SUPT3H: variants seen among roughly 807,000 people sequenced by gnomAD.
SUPT3H encodes transcription initiation protein SPT3 homolog.
In SUPT3H, 44 loss-of-function variants were observed where a neutral mutation model predicts 44.3. The observed-to-expected ratio is 0.99, with a 90% confidence interval of 0.78 to 1.28. The LOEUF is 1.28. Among genes scored for constraint, SUPT3H ranks in the 50% most tolerant of loss-of-function variants. The pLI is 0.00. For missense variants in SUPT3H, 380 were observed against 387.1 expected (o/e 0.98, Z 0.15); for synonymous variants, 124 against 125.6 (o/e 0.99, Z 0.09).
chr6:45,113,827 C>CAAAAAAAAAAAAAAAAAAAAAA (rs374606230), intron 2 of SUPT3H, among the ~76,000 whole-genome samples: 1 of 112,752 alleles, frequency 8.9e-6, no homozygotes, highest in African/African-American at 3.4e-5. Flanking sequence ...AAGACTCCAT[C>CAAAAAAAAAAAAAAAAAAAAAA]AAAAAAAAAA....
intron 2 of SUPT3H, among the ~76,000 whole-genome samples, chr6:45,189,032 G>A (rs1001248507): frequency 2.0e-5 from 3 of 151,982 alleles, no homozygotes; most frequent in Non-Finnish European, 4.4e-5. Context: ...GAACTCACGG[G>A]CTCAAGTGAA....
chr6:45,088,817 A>C (rs1440970091), intron 3 of SUPT3H, among the ~76,000 whole-genome samples: 3 of 152,006 alleles, frequency 2.0e-5, no homozygotes, highest in Non-Finnish European at 4.4e-5. Context: ...GTCATGGTAG[A>C]TTTGATTGTT....
intron 10 of SUPT3H, among the ~76,000 whole-genome samples, chr6:44,868,703 T>A (rs186859742): frequency 6.4e-4 from 97 of 152,042 alleles, no homozygotes; most frequent in African/African-American, 2.3e-3. Context: ...TGGAGCTCCT[T>A]AGCTCTGCCT....
intron 10 of SUPT3H, among the ~76,000 whole-genome samples, chr6:44,894,620 T>C (rs1017912419): frequency 6.6e-6 from 1 of 152,244 alleles, no homozygotes. Flanking sequence ...TTTTGGTTAC[T>C]GTAGCCTTGT....
At chr6:45,294,201 G>A (rs1325610402) in intron 2 of SUPT3H, among the ~76,000 whole-genome samples, 1 of 152,034 alleles carries the variant, frequency 6.6e-6, no homozygotes, top group Non-Finnish European at 1.5e-5. Context: ...TAATAAATGT[G>A]ATACACCACA....
At chr6:45,029,343 GTATATA>G (rs140292645) in intron 3 of SUPT3H, among the ~76,000 whole-genome samples, 2 of 146,350 alleles carry the variant, frequency 1.4e-5, no homozygotes, top group Non-Finnish European at 1.5e-5. Context: ...ATTTGTATGT[GTATATA>G]TATATATATA....
intron 2 of SUPT3H, among the ~76,000 whole-genome samples, chr6:45,299,273 T>A (rs1276738199): frequency 6.6e-6 from 1 of 150,798 alleles, no homozygotes; most frequent in African/African-American, 2.4e-5. Flanking sequence ...GAGGCAGAGG[T>A]TGCAGTAAGC....
chr6:44,954,367 A>G (rs963987576), intron 8 of SUPT3H, 128 bp downstream of exon 8: 6 of 742,532 alleles, frequency 8.1e-6, no homozygotes, highest in Non-Finnish European at 9.5e-6. Context: ...AAAATGATGT[A>G]AATGCCACAG....
At position 44,905,923 on chromosome 6, in the gene SUPT3H, G is replaced by GA. The variant is rs527564816; in HGVS notation, c.912+26729dup. Among the ~76,000 whole-genome samples the GA allele has an allele frequency of 4.7e-3, 712 of 151,858 alleles. 4 individuals carry two copies. Among genetic ancestry groups the GA allele is most frequent in the African/African-American group, 0.016 (680 of 41,394 alleles). ...ATCATTCTCAGCAAACTATCGCAAG[G>GA]ACAAAAAAACCAAACACCACATGTT... On this transcript the variant is annotated intron_variant, in intron 10 of 10. Coordinates refer to ENST00000371459, the MANE Select transcript of SUPT3H (RefSeq NM_003599.4).
chr6:44,880,997 C>T (rs1778134554), intron 10 of SUPT3H, among the ~76,000 whole-genome samples: 1 of 151,716 alleles, frequency 6.6e-6, no homozygotes, highest in Non-Finnish European at 1.5e-5. Context: ...CCATCATCAA[C>T]TAATGGGCAA....
intron 2 of SUPT3H, among the ~76,000 whole-genome samples, chr6:45,293,515 A>G (rs1461963993): frequency 1.4e-5 from 2 of 137,980 alleles, no homozygotes; most frequent in African/African-American, 5.0e-5. Context: ...AACTGAAACA[A>G]TCAAAAAAAA....
intron 10 of SUPT3H, among the ~76,000 whole-genome samples, chr6:44,885,010 T>C (rs1186602599): frequency 3.9e-5 from 6 of 152,116 alleles, no homozygotes; most frequent in African/African-American, 1.2e-4. Flanking sequence ...GTCTGGCTGA[T>C]TGCTAGCACA....
chr6:45,176,485 G>A (rs1331830601), intron 2 of SUPT3H, among the ~76,000 whole-genome samples: 25 of 151,662 alleles, frequency 1.6e-4, no homozygotes, highest in African/African-American at 5.4e-4. Context: ...CAAGGCGGCA[G>A]CGAGGCTGGG....
intron 3 of SUPT3H, among the ~76,000 whole-genome samples, chr6:45,031,717 T>C (rs1048090176): frequency 1.3e-5 from 2 of 152,120 alleles, no homozygotes; most frequent in African/African-American, 4.8e-5. Flanking sequence ...ATTAAGCACT[T>C]ACATCAATAA....
chr6:45,166,764 A>T (rs1460315762), intron 2 of SUPT3H, among the ~76,000 whole-genome samples: 1 of 152,222 alleles, frequency 6.6e-6, no homozygotes, highest in Admixed American at 6.5e-5. Flanking sequence ...GCTAAGAGGG[A>T]CATGAAAAGA....
chr6:45,000,514 C>A (rs74504370), intron 6 of SUPT3H, among the ~76,000 whole-genome samples: 360 of 152,138 alleles, frequency 2.4e-3, no homozygotes, highest in Admixed American at 4.8e-3. Context: ...GGCATCATAA[C>A]CATGCCACAC....
intron 10 of SUPT3H, among the ~76,000 whole-genome samples, chr6:44,912,181 C>T (rs1295328063): frequency 6.6e-6 from 1 of 152,114 alleles, no homozygotes; most frequent in African/African-American, 2.4e-5. Flanking sequence ...GTACAAGCAT[C>T]ATCATCTACT....
At chr6:45,360,382 C>A (rs73735389) in intron 2 of SUPT3H, among the ~76,000 whole-genome samples, 1,879 of 152,208 alleles carry the variant, frequency 0.012, 50 homozygotes, top group African/African-American at 0.043. Context: ...ATTAAAGCAC[C>A]CTTGGAATTA....
chr6:45,176,769 T>A (rs1024415622), intron 2 of SUPT3H, among the ~76,000 whole-genome samples: 1 of 152,208 alleles, frequency 6.6e-6, no homozygotes, highest in Non-Finnish European at 1.5e-5. Context: ...CCCTGACCCC[T>A]GACCCCCGAG....
Sources: allele counts gnomAD v4.1 joint callset (sites outside exome capture counted in the v4.1 genomes callset), GRCh38; gene constraint gnomAD v4.1.1; transcripts MANE v1.5; gene names NCBI Gene and HGNC (gene_info 2026-07-23, HGNC 2026-07-21).